SHANK2: variants seen among roughly 807,000 people sequenced by gnomAD.
SHANK2 encodes SH3 and multiple ankyrin repeat domains protein 2.
SHANK2 carries 43 observed loss-of-function variants against 133.7 expected under a neutral mutation model. The ratio of observed to expected loss-of-function variants is 0.32; its 90% CI spans 0.25 to 0.41. SHANK2 has a LOEUF of 0.41. SHANK2 is among the 10% of genes least tolerant of loss of function. The pLI, the probability that SHANK2 is intolerant of heterozygous loss-of-function variation, is 1.00. For missense variants in SHANK2, 1,994 were observed against 2,235.8 expected (o/e 0.89, Z 2.18); for synonymous variants, 1,017 against 952.8 (o/e 1.07, Z -1.24).
At chr11:71,089,328 C>T (rs1198872865) in intron 8 of SHANK2, among the ~76,000 whole-genome samples, 5 of 152,186 alleles carry the variant, frequency 3.3e-5, no homozygotes, top group South Asian at 2.1e-4. Flanking sequence ...TGTCTCAGGG[C>T]GTGAGCGTCT....
At chr11:70,909,569 T>A (rs1402398143) in intron 10 of SHANK2, among the ~76,000 whole-genome samples, 1 of 152,132 alleles carries the variant, frequency 6.6e-6, no homozygotes, top group Non-Finnish European at 1.5e-5. Flanking sequence ...GTTCTGCACA[T>A]CAGACAACAG....
At chr11:70,602,914 C>T (rs1430271132) in intron 17 of SHANK2, among the ~76,000 whole-genome samples, 1 of 152,184 alleles carries the variant, frequency 6.6e-6, no homozygotes, top group East Asian at 1.9e-4. Flanking sequence ...TAGAGTCCTA[C>T]ACAGGTGGGA....
intron 2 of SHANK2, among the ~76,000 whole-genome samples, chr11:71,148,126 C>A (rs1376246649): frequency 1.3e-5 from 2 of 151,388 alleles, no homozygotes; most frequent in Non-Finnish European, 2.9e-5. Flanking sequence ...CTCTTGTCGC[C>A]CAGGCTGGAG....
chr11:70,639,612 T>A (rs1191436574), intron 17 of SHANK2, among the ~76,000 whole-genome samples: 5 of 152,196 alleles, frequency 3.3e-5, no homozygotes, highest in African/African-American at 9.6e-5. Flanking sequence ...TTTTTCTTTT[T>A]CTTTTCTTTT....
intron 2 of SHANK2, among the ~76,000 whole-genome samples, chr11:71,221,078 G>A (rs1294503906): frequency 6.6e-6 from 1 of 151,946 alleles, no homozygotes; most frequent in Non-Finnish European, 1.5e-5. Context: ...GCAGGCGCCT[G>A]TAGTCCCAGC....
At chr11:71,112,254 A>G (rs548751384) in intron 5 of SHANK2, among the ~76,000 whole-genome samples, 1 of 152,282 alleles carries the variant, frequency 6.6e-6, no homozygotes, top group South Asian at 2.1e-4. Flanking sequence ...TTAGCCAGGC[A>G]TGGTGGTGCA....
At chr11:71,242,535 C>A (rs1429691271) in intron 1 of SHANK2, among the ~76,000 whole-genome samples, 1 of 152,198 alleles carries the variant, frequency 6.6e-6, no homozygotes, top group South Asian at 2.1e-4. Context: ...GCAGCTCACC[C>A]CGACCATCCT....
chr11:71,170,216 T>A (rs1430097274), intron 2 of SHANK2, among the ~76,000 whole-genome samples: 1 of 152,212 alleles, frequency 6.6e-6, no homozygotes, highest in Non-Finnish European at 1.5e-5. Context: ...CCAAATTTTG[T>A]ATACATTGAA....
chr11:70,747,915 ATG>A (rs1181303108), intron 14 of SHANK2, among the ~76,000 whole-genome samples: 2 of 152,312 alleles, frequency 1.3e-5, no homozygotes, highest in East Asian at 3.9e-4. Context: ...GCATACGTGT[ATG>A]TGCACATATG....
intron 2 of SHANK2, among the ~76,000 whole-genome samples, chr11:71,165,596 C>A (rs1369843687): frequency 6.6e-6 from 1 of 152,120 alleles, no homozygotes; most frequent in Non-Finnish European, 1.5e-5. Context: ...CCTGGTCAAA[C>A]CCTACAGCGA....
chr11:71,205,930 G>A (rs1954118135), intron 2 of SHANK2, among the ~76,000 whole-genome samples: 1 of 152,088 alleles, frequency 6.6e-6, no homozygotes, highest in Admixed American at 6.5e-5. Context: ...GCTGCAGCAG[G>A]TGAAACGGGG....
At chr11:70,528,811 C>T (rs558252415) in intron 17 of SHANK2, among the ~76,000 whole-genome samples, 9 of 152,208 alleles carry the variant, frequency 5.9e-5, no homozygotes, top group East Asian at 5.8e-4. Flanking sequence ...CCGTGGCAGC[C>T]GGCGAGCTGG....
chr11:70,679,837 G>A (rs949761580), intron 15 of SHANK2, among the ~76,000 whole-genome samples: 4 of 152,180 alleles, frequency 2.6e-5, no homozygotes, highest in Non-Finnish European at 4.4e-5. Flanking sequence ...CCCCTCCCTC[G>A]GGACCCTGGA....
chr11:70,685,128 A>C (rs1253921424), intron 15 of SHANK2, among the ~76,000 whole-genome samples: 1 of 151,968 alleles, frequency 6.6e-6, no homozygotes, highest in African/African-American at 2.4e-5. Flanking sequence ...CTGCCTTCCC[A>C]TCTGACAGTC....
intron 17 of SHANK2, among the ~76,000 whole-genome samples, chr11:70,580,372 C>A (rs1338056115): frequency 2.0e-5 from 3 of 152,210 alleles, no homozygotes; most frequent in Admixed American, 6.5e-5. Flanking sequence ...AGGGGGCCAC[C>A]AGCAGGGTGT....
At chr11:70,845,531 G>A (rs1948983950) in intron 11 of SHANK2, among the ~76,000 whole-genome samples, 1 of 152,078 alleles carries the variant, frequency 6.6e-6, no homozygotes, top group African/African-American at 2.4e-5. Flanking sequence ...CATCTTAGGT[G>A]CCGAGGATAG....
In SHANK2 at chr11:70,934,477, C is replaced by G. The variant is rs113403085; in HGVS notation, c.1108-37910G>C. ...GCCTGGGAAGCAGTCCTTGGCTGTCCCCACCCTGCTACAGGGTAAGCTCCT... is the reference window on the plus strand; with the variant it reads ...GCCTGGGAAGCAGTCCTTGGCTGTCGCCACCCTGCTACAGGGTAAGCTCCT... On this transcript the variant is annotated intron_variant, in intron 10 of 25. Coordinates refer to ENST00000601538, the MANE Select transcript of SHANK2 (RefSeq NM_012309.5). Among the ~76,000 whole-genome samples the G allele has an allele frequency of 5.0e-3, 759 of 152,196 alleles. 5 individuals are homozygous for G. The highest frequency in any genetic ancestry group is 0.018 in the African/African-American group (737 of 41,540).
At chr11:70,614,871 G>A (rs1301975120) in intron 17 of SHANK2, among the ~76,000 whole-genome samples, 1 of 152,250 alleles carries the variant, frequency 6.6e-6, no homozygotes. Context: ...CGGGAGTACT[G>A]GATGTCCCCA....
intron 15 of SHANK2, among the ~76,000 whole-genome samples, chr11:70,689,371 G>A (rs532163405): frequency 7.9e-5 from 12 of 152,288 alleles, no homozygotes; most frequent in Admixed American, 3.3e-4. Flanking sequence ...AAGAGGAAGC[G>A]ATGGAATTGT....
Sources: allele counts gnomAD v4.1 joint callset (sites outside exome capture counted in the v4.1 genomes callset), GRCh38; gene constraint gnomAD v4.1.1; transcripts MANE v1.5; gene names NCBI Gene and HGNC (gene_info 2026-07-23, HGNC 2026-07-21).